NTM: variants seen among roughly 807,000 people sequenced by gnomAD.
The protein encoded by NTM is IgLON family member 2.
NTM carries 13 observed loss-of-function variants against 42.1 expected under a neutral mutation model. The ratio of observed to expected loss-of-function variants is 0.31; its 90% CI spans 0.20 to 0.49. NTM has a LOEUF of 0.49. NTM is among the 20% of genes least tolerant of loss of function. The pLI, the probability that NTM is intolerant of heterozygous loss-of-function variation, is 0.99. For missense variants in NTM, 373 were observed against 452.8 expected, an observed-to-expected ratio of 0.82 and a Z score of 1.60; for synonymous variants, 187 against 179.2, an observed-to-expected ratio of 1.04 and a Z score of -0.35.
chr11:131,754,669 C>G (rs772277109), intron 1 of NTM, among the ~76,000 whole-genome samples: 1 of 151,552 alleles, frequency 6.6e-6, no homozygotes, highest in Admixed American at 6.6e-5. Context: ...TATAACCCAA[C>G]CATTTCACAT....
chr11:131,976,406 C>T (rs2064391186), intron 2 of NTM, among the ~76,000 whole-genome samples: 1 of 152,156 alleles, frequency 6.6e-6, no homozygotes, highest in Non-Finnish European at 1.5e-5. Flanking sequence ...TCTTCCTTCT[C>T]AGTTGCCTTT....
At chr11:131,946,017 G>A (rs1045379160) in intron 2 of NTM, among the ~76,000 whole-genome samples, 4 of 152,190 alleles carry the variant, frequency 2.6e-5, no homozygotes, top group African/African-American at 9.7e-5. Context: ...ATGAACTGGG[G>A]TTAGTTACAT....
intron 1 of NTM, among the ~76,000 whole-genome samples, chr11:131,746,187 C>A (rs1206900740): frequency 6.6e-6 from 1 of 152,098 alleles, no homozygotes; most frequent in Non-Finnish European, 1.5e-5. Context: ...AAAACAACAA[C>A]AAAAATCCTC....
rs149227941 is a variant in NTM, at chr11:131,908,163, G to A, written c.83-3401G>A. Among the ~76,000 whole-genome samples the A allele has an allele frequency of 4.9e-4, 75 of 152,338 alleles. No individual in the cohort carries two copies. In the East Asian group the frequency reaches 0.014, roughly 28 times the overall value. On this transcript the variant is annotated intron_variant, in intron 1 of 8. Coordinates refer to ENST00000683400, the MANE Select transcript of NTM (RefSeq NM_001352005.2). ...GCTTAGTGCTTTCCCTTCACGGGCA[G>A]AGACAAAGATGGTTTGATTGTCTTA...
At position 132,282,976 on chromosome 11, in the gene NTM, C is replaced by CTTTTTTTTTTTTTT. The variant is rs142817071; in HGVS notation, c.527-24701_527-24688dup. Among the ~76,000 whole-genome samples the CTTTTTTTTTTTTTT allele has an allele frequency of 6.0e-3, 653 of 108,874 alleles. 42 individuals carry two copies. Among genetic ancestry groups the CTTTTTTTTTTTTTT allele is most frequent in the South Asian group, 8.0e-3 (25 of 3,130 alleles). 71.4% of individuals were successfully genotyped at this position (108,874 alleles called of 152,430 possible). On this transcript the variant is annotated intron_variant, in intron 4 of 8. Transcript: ENST00000683400. ...AATGAAACGGGAAATTCCTTTATTC[C>CTTTTTTTTTTTTTT]TTTTTTTTTTTTTTTTTTTTTTTTT...
intron 1 of NTM, among the ~76,000 whole-genome samples, chr11:131,418,142 C>T (rs890421034): frequency 5.9e-5 from 9 of 152,242 alleles, no homozygotes; most frequent in Middle Eastern, 3.4e-3. Context: ...GTAGCGAGGC[C>T]GGGATGATTG....
At chr11:132,194,184 T>C (rs1277173723) in intron 3 of NTM, among the ~76,000 whole-genome samples, 1 of 151,826 alleles carries the variant, frequency 6.6e-6, no homozygotes, top group Admixed American at 6.6e-5. Flanking sequence ...CTTCAGGTTA[T>C]TATCCATGAT....
chr11:131,660,214 G>C (rs575670132), intron 1 of NTM: 1 of 288,676 alleles, frequency 3.5e-6, no homozygotes, highest in African/African-American at 2.2e-5. Flanking sequence ...ATCATGTATT[G>C]AGGCAGGGGA....
At chr11:132,023,763 G>T (rs142723505) in intron 2 of NTM, among the ~76,000 whole-genome samples, 10,617 of 137,836 alleles carry the variant, frequency 0.077, 529 homozygotes, top group Admixed American at 0.13. Context: ...TTTGTTGTTG[G>T]TGGTGGTTTT....
intron 2 of NTM, among the ~76,000 whole-genome samples, chr11:131,917,261 T>C (rs928023729): frequency 4.6e-5 from 7 of 152,334 alleles, no homozygotes; most frequent in Middle Eastern, 6.8e-3. Context: ...TTCTTCTCCT[T>C]GGAGTCTGTG....
intron 3 of NTM, among the ~76,000 whole-genome samples, chr11:132,151,396 T>C (rs2071880714): frequency 6.6e-6 from 1 of 152,182 alleles, no homozygotes; most frequent in Non-Finnish European, 1.5e-5. Flanking sequence ...AAGGTCCTCC[T>C]TATCCAAGTA....
intron 1 of NTM, among the ~76,000 whole-genome samples, chr11:131,702,979 G>A (rs1047777654): frequency 6.6e-6 from 1 of 152,168 alleles, no homozygotes; most frequent in African/African-American, 2.4e-5. Flanking sequence ...TGAGAAATCA[G>A]TTAGGGGAGA....
intron 1 of NTM, among the ~76,000 whole-genome samples, chr11:131,810,426 A>C (rs956660405): frequency 1.3e-5 from 2 of 152,164 alleles, no homozygotes; most frequent in Non-Finnish European, 2.9e-5. Flanking sequence ...CTCCTTCCAG[A>C]TGGGTCTGCA....
chr11:131,529,531 G>C (rs1242947340), intron 1 of NTM, among the ~76,000 whole-genome samples: 1 of 152,150 alleles, frequency 6.6e-6, no homozygotes, highest in African/African-American at 2.4e-5. Context: ...ACCAAGAAGG[G>C]CCACCGGAGT....
At chr11:131,439,943 C>CT (rs11388263) in intron 1 of NTM, among the ~76,000 whole-genome samples, 92,127 of 137,642 alleles carry the variant, frequency 0.67, 31,088 homozygotes, top group East Asian at 0.94. Context: ...CCATCTTAGG[C>CT]TTTTTTTTTT....
At chr11:131,705,105 G>A (rs1355153950) in intron 1 of NTM, among the ~76,000 whole-genome samples, 1 of 152,094 alleles carries the variant, frequency 6.6e-6, no homozygotes, top group Admixed American at 6.5e-5. Flanking sequence ...AGAGGGAAAT[G>A]AACATCCAAA....
chr11:131,386,210 C>T (rs536218434), intron 1 of NTM, among the ~76,000 whole-genome samples: 2 of 152,274 alleles, frequency 1.3e-5, no homozygotes, highest in South Asian at 4.1e-4. Context: ...GTGAAATGAG[C>T]CAGACACCAA....
At chr11:131,733,467 C>CTTCT (rs2079966886) in intron 1 of NTM, among the ~76,000 whole-genome samples, 3 of 51,414 alleles carry the variant, frequency 5.8e-5, no homozygotes, top group East Asian at 3.9e-4. Flanking sequence ...TCCTTCTTTC[C>CTTCT]TTCCTTCCTT....
chr11:132,076,653 G>T (rs951647822), intron 2 of NTM, among the ~76,000 whole-genome samples: 2 of 152,158 alleles, frequency 1.3e-5, no homozygotes, highest in Admixed American at 6.5e-5. Flanking sequence ...TTTGTAGGGG[G>T]TAATATGGGA....
Sources: allele counts gnomAD v4.1 joint callset (sites outside exome capture counted in the v4.1 genomes callset), GRCh38; gene constraint gnomAD v4.1.1; transcripts MANE v1.5; gene names NCBI Gene and HGNC (gene_info 2026-07-23, HGNC 2026-07-21).